PCSK5: variants seen among roughly 807,000 people sequenced by gnomAD.
PCSK5 encodes the protein proprotein convertase subtilisin/kexin type 5.
Under a neutral mutation model 233.2 loss-of-function variants are expected in PCSK5, and 129 were observed. The ratio of observed to expected loss-of-function variants is 0.55; its 90% CI spans 0.48 to 0.64. The LOEUF (loss-of-function observed/expected upper bound fraction) is 0.64. PCSK5 is among the 30% of genes least tolerant of loss of function. PCSK5 has a pLI of 0.00. For synonymous variants in PCSK5, 825 were observed against 879.2 expected (o/e 0.94, Z 1.09); for missense variants, 2,076 against 2,430.1 (o/e 0.85, Z 3.06).
intron 9 of PCSK5, among the ~76,000 whole-genome samples, chr9:76,120,300 A>G (rs2131712391): frequency 1.3e-5 from 2 of 152,214 alleles, no homozygotes; most frequent in Non-Finnish European, 2.9e-5. Flanking sequence ...GAATCACTTC[A>G]TATTTTAAAC....
intron 24 of PCSK5, among the ~76,000 whole-genome samples, chr9:76,284,843 T>C (rs1427709398): frequency 6.6e-6 from 1 of 152,142 alleles, no homozygotes; most frequent in Non-Finnish European, 1.5e-5. Flanking sequence ...AACCTCTTTT[T>C]CTTTTAAATT....
At chr9:76,281,821 A>G (rs1236452417) in intron 24 of PCSK5, among the ~76,000 whole-genome samples, 2 of 151,590 alleles carry the variant, frequency 1.3e-5, no homozygotes, top group Non-Finnish European at 2.9e-5. Flanking sequence ...GCTAATTTTC[A>G]TATTTTTTAT....
At chr9:76,157,839 G>GA (rs1430327373) in intron 11 of PCSK5, among the ~76,000 whole-genome samples, 3 of 152,178 alleles carry the variant, frequency 2.0e-5, no homozygotes, top group Admixed American at 6.5e-5. Flanking sequence ...GAATGAGAGA[G>GA]AAAAAACAAA....
At chr9:76,282,439 C>G (rs779435292) in intron 24 of PCSK5, among the ~76,000 whole-genome samples, 4 of 150,362 alleles carry the variant, frequency 2.7e-5, no homozygotes, top group Non-Finnish European at 5.9e-5. Context: ...CCCACCTCAG[C>G]CTCCTGAGTA....
intron 20 of PCSK5, among the ~76,000 whole-genome samples, chr9:76,200,093 T>C (rs1307683750): frequency 2.0e-5 from 3 of 149,990 alleles, no homozygotes; most frequent in Non-Finnish European, 2.9e-5. Flanking sequence ...GACTTCTCCC[T>C]CTCCTCTCCT....
chr9:76,243,281 T>A (rs981504651), intron 24 of PCSK5, among the ~76,000 whole-genome samples: 2 of 152,176 alleles, frequency 1.3e-5, no homozygotes, highest in African/African-American at 2.4e-5. Flanking sequence ...CTCGCCTTGA[T>A]GGGGAGAATT....
chr9:76,097,855 G>T (rs1319557623), intron 8 of PCSK5, among the ~76,000 whole-genome samples: 1 of 152,156 alleles, frequency 6.6e-6, no homozygotes, highest in South Asian at 2.1e-4. Flanking sequence ...TTTGCACTTT[G>T]CCCTTTTTCC....
intron 20 of PCSK5, among the ~76,000 whole-genome samples, chr9:76,222,454 C>T (rs1211984367): frequency 6.6e-6 from 1 of 152,116 alleles, no homozygotes; most frequent in Non-Finnish European, 1.5e-5. Context: ...CATCTCCAGA[C>T]CTTCATCATC....
At chr9:75,984,783 A>G (rs922185537) in intron 2 of PCSK5, among the ~76,000 whole-genome samples, 1 of 152,224 alleles carries the variant, frequency 6.6e-6, no homozygotes. Context: ...TGAATAAATG[A>G]GTGAATGAAC....
chr9:76,241,980 A>G (rs1245684481), intron 24 of PCSK5, among the ~76,000 whole-genome samples: 1 of 152,218 alleles, frequency 6.6e-6, no homozygotes, highest in Non-Finnish European at 1.5e-5. Context: ...CAAGTTGCCC[A>G]GTGAGGCTAA....
intron 24 of PCSK5, among the ~76,000 whole-genome samples, chr9:76,290,931 T>C (rs1248340159): frequency 6.6e-6 from 1 of 152,222 alleles, no homozygotes; most frequent in Non-Finnish European, 1.5e-5. Flanking sequence ...CAGCTCATTT[T>C]ACACCCGCAG....
At chr9:76,355,041 T>C (rs1299094558) in intron 37 of PCSK5, among the ~76,000 whole-genome samples, 1 of 152,200 alleles carries the variant, frequency 6.6e-6, no homozygotes, top group Non-Finnish European at 1.5e-5. Context: ...TGAATTTTTA[T>C]TGAAGGCTAA....
intron 36 of PCSK5, among the ~76,000 whole-genome samples, chr9:76,353,779 A>G (rs1830226596): frequency 6.6e-6 from 1 of 152,168 alleles, no homozygotes; most frequent in South Asian, 2.1e-4. Context: ...TCCTAACCCA[A>G]ACTGTTCTAG....
intron 3 of PCSK5, among the ~76,000 whole-genome samples, chr9:76,001,338 T>C (rs1474858183): frequency 2.0e-5 from 3 of 151,866 alleles, no homozygotes; most frequent in Non-Finnish European, 4.4e-5. Context: ...GAAATATTTC[T>C]CTCTCTCTAA....
intron 33 of PCSK5, among the ~76,000 whole-genome samples, chr9:76,332,052 G>C (rs781064429): frequency 4.6e-5 from 7 of 152,200 alleles, no homozygotes; most frequent in Non-Finnish European, 8.8e-5. Flanking sequence ...GCTGGACAAT[G>C]AGCCATTGCC....
intron 10 of PCSK5, among the ~76,000 whole-genome samples, chr9:76,139,181 T>C (rs1009782611): frequency 6.6e-6 from 1 of 152,152 alleles, no homozygotes. Flanking sequence ...GTAACACTTA[T>C]TAAAAAGAAT....
intron 8 of PCSK5, among the ~76,000 whole-genome samples, chr9:76,100,962 A>G (rs1199252643): frequency 6.6e-6 from 1 of 152,012 alleles, no homozygotes; most frequent in Middle Eastern, 3.2e-3. Flanking sequence ...ATATCACTTC[A>G]TTTTTGTCTC....
At chr9:76,228,775 C>A (rs71509857) in intron 21 of PCSK5, among the ~76,000 whole-genome samples, 12,496 of 152,214 alleles carry the variant, frequency 0.082, 678 homozygotes, top group Admixed American at 0.13. Context: ...CAGTGGCAGG[C>A]GCTTTGCATC....
At chr9:76,105,521 A>G (rs1441864162) in intron 8 of PCSK5, among the ~76,000 whole-genome samples, 3 of 152,244 alleles carry the variant, frequency 2.0e-5, no homozygotes, top group Admixed American at 6.5e-5. Context: ...GGGTAATTGT[A>G]TGTTATATGT....
Sources: allele counts gnomAD v4.1 joint callset (sites outside exome capture counted in the v4.1 genomes callset), GRCh38; gene constraint gnomAD v4.1.1; transcripts MANE v1.5; gene names NCBI Gene and HGNC (gene_info 2026-07-23, HGNC 2026-07-21).